GRID1: variants seen among roughly 807,000 people sequenced by gnomAD.
GRID1 encodes glutamate receptor ionotropic, delta-1.
In GRID1, 28 loss-of-function variants were observed where a neutral mutation model predicts 98.0. The observed-to-expected ratio is 0.29, with a 90% confidence interval of 0.21 to 0.39. GRID1 has a LOEUF of 0.39. GRID1 is among the 10% of genes least tolerant of loss of function. GRID1 has a pLI of 1.00. For synonymous variants in GRID1, 553 were observed against 538.5 expected (o/e 1.03, Z -0.37); for missense variants, 1,111 against 1,340.5 (o/e 0.83, Z 2.67).
intron 2 of GRID1, among the ~76,000 whole-genome samples, chr10:86,362,710 G>A (rs771693354): frequency 4.6e-5 from 7 of 152,120 alleles, no homozygotes; most frequent in Non-Finnish European, 1.0e-4. Flanking sequence ...CCCAACACCA[G>A]CTCTGACCCC....
intron 4 of GRID1, among the ~76,000 whole-genome samples, chr10:85,940,408 T>C (rs192636513): frequency 6.6e-6 from 1 of 152,282 alleles, no homozygotes; most frequent in East Asian, 1.9e-4. Context: ...AGTAGTGATA[T>C]CATATGCAGA....
intron 5 of GRID1, among the ~76,000 whole-genome samples, chr10:85,883,918 T>C (rs147540255): frequency 5.9e-5 from 9 of 152,324 alleles, no homozygotes; most frequent in Admixed American, 1.3e-4. Flanking sequence ...TCATAATCCT[T>C]ACACTGAAGA....
chr10:86,099,884 A>C (rs1844271084), intron 4 of GRID1, among the ~76,000 whole-genome samples: 1 of 152,178 alleles, frequency 6.6e-6, no homozygotes, highest in Non-Finnish European at 1.5e-5. Flanking sequence ...CTGCATTGCA[A>C]CTGGCTTCCA....
At chr10:86,069,848 G>C (rs1843777857) in intron 4 of GRID1, among the ~76,000 whole-genome samples, 1 of 152,170 alleles carries the variant, frequency 6.6e-6, no homozygotes, top group African/African-American at 2.4e-5. Flanking sequence ...GTGATGTGTA[G>C]ATAAAAATCA....
chr10:86,208,333 C>A (rs1846063743), intron 2 of GRID1, among the ~76,000 whole-genome samples: 2 of 152,130 alleles, frequency 1.3e-5, no homozygotes, highest in African/African-American at 4.8e-5. Context: ...CCCCCAGATG[C>A]CCTGGCCCCC....
intron 4 of GRID1, among the ~76,000 whole-genome samples, chr10:86,083,626 G>T (rs1245798313): frequency 6.6e-6 from 1 of 152,172 alleles, no homozygotes; most frequent in Non-Finnish European, 1.5e-5. Context: ...CCAAGTCTCT[G>T]GTCCGTTCTG....
At chr10:86,289,954 T>G (rs1589438497) in intron 2 of GRID1, among the ~76,000 whole-genome samples, 1 of 151,602 alleles carries the variant, frequency 6.6e-6, no homozygotes, top group South Asian at 2.1e-4. Context: ...TTCCTAAGAG[T>G]CAAGCCAATG....
At chr10:86,167,538 C>T (rs1845417731) in intron 3 of GRID1, among the ~76,000 whole-genome samples, 1 of 152,196 alleles carries the variant, frequency 6.6e-6, no homozygotes, top group Non-Finnish European at 1.5e-5. Flanking sequence ...ACAGTGGTTG[C>T]TGGGGGAGTG....
intron 4 of GRID1, among the ~76,000 whole-genome samples, chr10:86,080,329 G>C (rs936915238): frequency 6.7e-6 from 1 of 149,228 alleles, no homozygotes; most frequent in Non-Finnish European, 1.5e-5. Context: ...GCAAGGCTAT[G>C]TGGAAAAAAT....
At chr10:85,822,646 TG>T (rs1187218023) in intron 8 of GRID1, among the ~76,000 whole-genome samples, 1 of 152,212 alleles carries the variant, frequency 6.6e-6, no homozygotes, top group East Asian at 1.9e-4. Flanking sequence ...CTCAGGGATC[TG>T]GAACTAGAAA....
intron 12 of GRID1, among the ~76,000 whole-genome samples, chr10:85,677,488 T>C (rs1406475768): frequency 2.6e-5 from 4 of 152,380 alleles, no homozygotes; most frequent in Admixed American, 6.5e-5. Context: ...TATCATGTGC[T>C]AGATACATTC....
Position 86,064,987 on chromosome 10 carries a change from T to C in GRID1, c.726+73832A>G, listed in dbSNP as rs77822138. ...TTCTTTCCAGACTGAGCAGAAAATC[T>C]AGTAACGCTCATCCCACATTACCAT... On this transcript the variant is annotated intron_variant, in intron 4 of 15. Coordinates refer to ENST00000327946, the MANE Select transcript of GRID1 (RefSeq NM_017551.3). Among the ~76,000 whole-genome samples, 13 of 152,312 alleles carry C rather than the reference T, an allele frequency of 8.5e-5. No individual in the cohort carries two copies. In the East Asian group the frequency reaches 2.5e-3, roughly 29 times the overall value.
chr10:86,036,605 T>G (rs1843265661), intron 4 of GRID1, among the ~76,000 whole-genome samples: 1 of 152,202 alleles, frequency 6.6e-6, no homozygotes, highest in South Asian at 2.1e-4. Flanking sequence ...TGCCTCCCTG[T>G]CCCTGAAGGG....
At chr10:86,014,639 C>T (rs778855032) in intron 4 of GRID1, among the ~76,000 whole-genome samples, 11 of 152,208 alleles carry the variant, frequency 7.2e-5, no homozygotes, top group African/African-American at 1.7e-4. Flanking sequence ...AAAGATCACT[C>T]GGCAAGTATG....
chr10:85,741,622 C>A (rs955150678), intron 8 of GRID1, among the ~76,000 whole-genome samples: 4 of 152,092 alleles, frequency 2.6e-5, no homozygotes, highest in African/African-American at 9.7e-5. Flanking sequence ...TTTTTATGCA[C>A]TCCCTATCTA....
intron 4 of GRID1, among the ~76,000 whole-genome samples, chr10:86,016,558 C>T (rs1186355011): frequency 6.6e-6 from 1 of 152,164 alleles, no homozygotes; most frequent in Admixed American, 6.5e-5. Flanking sequence ...GTCTTCTTCA[C>T]TCCTATCCCC....
At chr10:86,308,746 GA>G (rs1847793685) in intron 2 of GRID1, among the ~76,000 whole-genome samples, 1 of 152,168 alleles carries the variant, frequency 6.6e-6, no homozygotes, top group Non-Finnish European at 1.5e-5. Flanking sequence ...CACATCTGCT[GA>G]GGGCTTTCTT....
At chr10:86,126,669 CAG>C (rs1844759266) in intron 4 of GRID1, among the ~76,000 whole-genome samples, 1 of 152,202 alleles carries the variant, frequency 6.6e-6, no homozygotes, top group African/African-American at 2.4e-5. Context: ...CTGCCACAGG[CAG>C]AGTTGGCCAA....
intron 8 of GRID1, among the ~76,000 whole-genome samples, chr10:85,737,723 A>ATATG (rs1841900784): frequency 7.0e-6 from 1 of 142,752 alleles, no homozygotes; most frequent in Non-Finnish European, 1.5e-5. Context: ...GTTTATATAT[A>ATATG]TATAACCATG....
Sources: gnomAD v4.1 joint callset for allele counts (sites outside exome capture counted in the v4.1 genomes callset) on GRCh38, gnomAD v4.1.1 for gene constraint, MANE v1.5 for transcripts, NCBI Gene and HGNC (gene_info 2026-07-23, HGNC 2026-07-21) for gene names.